Variants in ATRNL1 observed in about 807,000 individuals in gnomAD.
The protein encoded by ATRNL1 is attractin-like protein 1.
A neutral mutation model predicts 182.7 loss-of-function variants in ATRNL1; 95 were observed. That is an observed-to-expected ratio of 0.52 (90% CI 0.44 to 0.62). The LOEUF (loss-of-function observed/expected upper bound fraction) is 0.62, where lower values mean the gene tolerates loss of function less well. Ranked by LOEUF, ATRNL1 falls within the 20% of genes least tolerant of loss-of-function variation. The probability of loss-of-function intolerance (pLI) is 0.00; values close to 1 mark genes in which losing one functional copy is unlikely to be tolerated. For missense variants in ATRNL1, 1,471 were observed against 1,679.5 expected (o/e 0.88, Z 2.17); for synonymous variants, 576 against 568.3 (o/e 1.01, Z -0.19).
At chr10:115,399,417 G>C (rs1554956419) in intron 20 of ATRNL1, among the ~76,000 whole-genome samples, 2 of 151,990 alleles carry the variant, frequency 1.3e-5, no homozygotes, top group Admixed American at 6.6e-5. Flanking sequence ...TATGCGTCCA[G>C]AAATTTATCC....
intron 26 of ATRNL1, among the ~76,000 whole-genome samples, chr10:115,660,000 A>G (rs1490738092): frequency 6.6e-6 from 1 of 152,178 alleles, no homozygotes; most frequent in African/African-American, 2.4e-5. Context: ...ATGAGGATCC[A>G]CTGAAGCAAG....
At chr10:115,648,441 T>C (rs1859772257) in intron 26 of ATRNL1, among the ~76,000 whole-genome samples, 1 of 152,102 alleles carries the variant, frequency 6.6e-6, no homozygotes, top group African/African-American at 2.4e-5. Context: ...CTTCACAGAA[T>C]TGGAAAAAAC....
intron 26 of ATRNL1, among the ~76,000 whole-genome samples, chr10:115,554,163 G>A (rs2133819977): frequency 6.6e-6 from 1 of 151,594 alleles, no homozygotes; most frequent in East Asian, 1.9e-4. Flanking sequence ...AAACTCGTTA[G>A]TAAATATTTC....
intron 8 of ATRNL1, among the ~76,000 whole-genome samples, chr10:115,207,417 G>T (rs781243140): frequency 2.7e-4 from 41 of 151,562 alleles, no homozygotes; most frequent in South Asian, 4.2e-4. Context: ...TGTGGTTTTG[G>T]TTTGCACTTC....
chr10:115,233,764 T>TA (rs1207446682), intron 9 of ATRNL1, among the ~76,000 whole-genome samples: 1 of 152,140 alleles, frequency 6.6e-6, no homozygotes, highest in Non-Finnish European at 1.5e-5. Flanking sequence ...AATGACTTAC[T>TA]TGATTTTTCT....
intron 1 of ATRNL1, chr10:115,096,762 A>C (rs2085021287): frequency 7.9e-7 from 1 of 1,271,170 alleles, no homozygotes; most frequent in Admixed American, 2.5e-5. Flanking sequence ...CAGTTCTCTT[A>C]GCATTGATTC....
chr10:115,260,752 C>G lies in ATRNL1; in HGVS notation c.1688-4441C>G, dbSNP rs1027692824. ...AATTCAGAAAAGAAAAAAATGAGCT[C>G]TTGGAAATTAAAATTAGGAAAACAA... On this transcript the variant is annotated intron_variant, in intron 10 of 28. Transcript: ENST00000355044. Among the ~76,000 whole-genome samples, 4 of 151,728 alleles carry G rather than the reference C, an allele frequency of 2.6e-5. 1 individual carries two copies. Among genetic ancestry groups the G allele is most frequent in the East Asian group, 3.9e-4 (2 of 5,188 alleles).
At chr10:115,132,157 A>C (rs928991720) in intron 5 of ATRNL1, among the ~76,000 whole-genome samples, 6 of 144,932 alleles carry the variant, frequency 4.1e-5, no homozygotes, top group Non-Finnish European at 3.0e-5. Flanking sequence ...TTCAATTCCC[A>C]CCTATAAGTG....
At position 115,805,179 on chromosome 10, in the gene ATRNL1, A is replaced by C. The variant is rs532096043; in HGVS notation, c.3904-42698A>C. Among the ~76,000 whole-genome samples, 4 of 152,270 alleles carry C rather than the reference A, an allele frequency of 2.6e-5. No individual in the cohort carries two copies. The South Asian group carries it at 6.2e-4, about 24-fold the overall frequency. ...TTAGCCCAAGAATCCAATGTGACTT[A>C]TCTGTAATCCTATTAGTCCATTCTA... is the stretch of plus-strand genomic sequence containing the variant. On this transcript the variant is annotated intron_variant, in intron 27 of 28. Transcript: ENST00000355044.
chr10:115,562,574 G>A (rs1279964806), intron 26 of ATRNL1, among the ~76,000 whole-genome samples: 3 of 152,126 alleles, frequency 2.0e-5, no homozygotes, highest in African/African-American at 4.8e-5. Context: ...TGTCATGGGA[G>A]GGACAAGATA....
At chr10:115,377,463 G>C (rs663979) in intron 19 of ATRNL1, among the ~76,000 whole-genome samples, 15,078 of 152,158 alleles carry the variant, frequency 0.099, 2,481 homozygotes, top group African/African-American at 0.34. Context: ...TGTGAAAATG[G>C]ACTAATACGG....
chr10:115,407,031 A>G (rs782517453), intron 20 of ATRNL1, among the ~76,000 whole-genome samples: 4 of 152,150 alleles, frequency 2.6e-5, no homozygotes, highest in Non-Finnish European at 4.4e-5. Context: ...GAGATAAACT[A>G]TTCAGATTTT....
intron 28 of ATRNL1, among the ~76,000 whole-genome samples, chr10:115,929,785 A>T (rs1953341358): frequency 6.6e-6 from 1 of 152,128 alleles, no homozygotes; most frequent in African/African-American, 2.4e-5. Context: ...CTCAAAGCTA[A>T]TTTTGACTAA....
chr10:115,287,180 C>T (rs1017988084), intron 15 of ATRNL1, among the ~76,000 whole-genome samples: 5 of 151,932 alleles, frequency 3.3e-5, no homozygotes, highest in African/African-American at 1.2e-4. Context: ...AAAATCTGGA[C>T]ATATGCTTAT....
At chr10:115,919,416 C>G (rs187705718) in intron 28 of ATRNL1, among the ~76,000 whole-genome samples, 21 of 152,248 alleles carry the variant, frequency 1.4e-4, no homozygotes, top group Non-Finnish European at 2.9e-4. Context: ...ATAATCTCAG[C>G]TCAGAGCTCC....
chr10:115,385,871 A>G (rs1858317058), intron 19 of ATRNL1, among the ~76,000 whole-genome samples: 1 of 152,188 alleles, frequency 6.6e-6, no homozygotes. Context: ...AATTGATGGA[A>G]TATGTGTAGG....
At chr10:115,580,320 G>A (rs1299347159) in intron 26 of ATRNL1, among the ~76,000 whole-genome samples, 1 of 152,050 alleles carries the variant, frequency 6.6e-6, no homozygotes, top group Non-Finnish European at 1.5e-5. Context: ...GCTTTTGTAT[G>A]TCTGTAGAAG....
intron 24 of ATRNL1, among the ~76,000 whole-genome samples, chr10:115,473,090 A>G (rs1347934061): frequency 6.6e-6 from 1 of 151,238 alleles, no homozygotes; most frequent in Non-Finnish European, 1.5e-5. Flanking sequence ...TTCAGCATCT[A>G]TTGAGATGAT....
At chr10:115,649,619 A>G (rs1859855727) in intron 26 of ATRNL1, among the ~76,000 whole-genome samples, 1 of 152,142 alleles carries the variant, frequency 6.6e-6, no homozygotes, top group Non-Finnish European at 1.5e-5. Context: ...TGGAATTCAA[A>G]TGGGGAAATG....
Sources: allele counts gnomAD v4.1 joint callset (sites outside exome capture counted in the v4.1 genomes callset), GRCh38; gene constraint gnomAD v4.1.1; transcripts MANE v1.5; gene names NCBI Gene and HGNC (gene_info 2026-07-23, HGNC 2026-07-21).